TRHDE: variants seen among roughly 807,000 people sequenced by gnomAD.
TRHDE encodes thyrotropin releasing hormone degrading enzyme.
A neutral mutation model predicts 125.7 loss-of-function variants in TRHDE; 72 were observed. That is an observed-to-expected ratio of 0.57 (90% CI 0.47 to 0.70). The LOEUF (loss-of-function observed/expected upper bound fraction) is 0.70, where lower values mean the gene tolerates loss of function less well. Ranked by LOEUF, TRHDE falls within the 30% of genes least tolerant of loss-of-function variation. The pLI is 0.00. For missense variants in TRHDE, 1,110 were observed against 1,327.1 expected, an observed-to-expected ratio of 0.84 and a Z score of 2.54; for synonymous variants, 509 against 509.1, an observed-to-expected ratio of 1.00 and a Z score of 0.00.
In TRHDE at chr12:72,454,331, C is replaced by G. The variant is rs546566935; in HGVS notation, c.1316-15427C>G. On this transcript the variant is annotated intron_variant, in intron 3 of 18. Transcript: ENST00000261180. The stretch of plus-strand genomic sequence containing the variant: ...TATTTTTTGCAGGAATCTTTTTAAG[C>G]TGTCTATTTATTTTGTGAAGATTGT... 2.6e-5 allele frequency among the ~76,000 whole-genome samples: 4 copies of G among 152,062 alleles called. No individual in the cohort carries two copies. The East Asian group carries it at 5.8e-4, about 22-fold the overall frequency.
At chr12:72,380,780 T>A (rs1323688590) in intron 3 of TRHDE, among the ~76,000 whole-genome samples, 15 of 138,968 alleles carry the variant, frequency 1.1e-4, no homozygotes, top group African/African-American at 3.6e-4. Context: ...CCTTCCTTCC[T>A]TCCTTCCTTC....
At chr12:72,251,036 C>T (rs1436184397) in intron 2 of TRHDE, among the ~76,000 whole-genome samples, 2 of 151,500 alleles carry the variant, frequency 1.3e-5, no homozygotes, top group African/African-American at 4.8e-5. Flanking sequence ...TATCCATCAC[C>T]CAGTTTCTCC....
intron 2 of TRHDE, among the ~76,000 whole-genome samples, chr12:72,265,391 CAGAG>C: frequency 6.6e-6 from 1 of 151,786 alleles, no homozygotes; most frequent in South Asian, 2.1e-4. Flanking sequence ...AAAACATGTA[CAGAG>C]AGAGAAAAAA....
intron 5 of TRHDE, among the ~76,000 whole-genome samples, chr12:72,482,396 T>C (rs955180001): frequency 6.6e-6 from 1 of 151,930 alleles, no homozygotes; most frequent in Non-Finnish European, 1.5e-5. Flanking sequence ...TTGGGCATGG[T>C]AAGTTTCAGA....
chr12:72,109,612 C>T (rs889736525), intron 2 of TRHDE, among the ~76,000 whole-genome samples: 4 of 143,666 alleles, frequency 2.8e-5, no homozygotes, highest in Non-Finnish European at 6.1e-5. Context: ...AAGTTAATGT[C>T]TTTACACAAC....
chr12:72,142,544 A>T (rs904181802), intron 2 of TRHDE, among the ~76,000 whole-genome samples: 2 of 152,166 alleles, frequency 1.3e-5, no homozygotes, highest in African/African-American at 4.8e-5. Context: ...CGGGTAGAAG[A>T]GGGTGGCCCC....
At chr12:72,335,172 C>A (rs1024045637) in intron 2 of TRHDE, among the ~76,000 whole-genome samples, 5 of 152,138 alleles carry the variant, frequency 3.3e-5, no homozygotes, top group African/African-American at 1.2e-4. Flanking sequence ...GCTGAGGCAA[C>A]ATAAAATTAT....
intron 2 of TRHDE, among the ~76,000 whole-genome samples, chr12:72,339,312 T>C (rs1240488268): frequency 6.6e-6 from 1 of 152,190 alleles, no homozygotes; most frequent in East Asian, 1.9e-4. Flanking sequence ...TTTCCAATAA[T>C]ATTGACTAGT....
At chr12:72,136,479 C>T (rs1199453971) in intron 2 of TRHDE, among the ~76,000 whole-genome samples, 3 of 152,148 alleles carry the variant, frequency 2.0e-5, no homozygotes. Flanking sequence ...TCCCATTGAC[C>T]TATAAGCAGG....
intron 2 of TRHDE, among the ~76,000 whole-genome samples, chr12:72,224,146 CTATG>C (rs10647795): frequency 0.015 from 705 of 46,252 alleles, 9 homozygotes; most frequent in African/African-American, 0.046. Flanking sequence ...ATCTATTTAT[CTATG>C]TATGTATGTA....
chr12:72,092,702 G>A (rs1418003632), intron 1 of TRHDE, among the ~76,000 whole-genome samples: 1 of 152,172 alleles, frequency 6.6e-6, no homozygotes, highest in African/African-American at 2.4e-5. Flanking sequence ...CTAGGGGCAT[G>A]TGCTTTCCCA....
intron 6 of TRHDE, among the ~76,000 whole-genome samples, chr12:72,527,732 A>G (rs900712006): frequency 2.2e-4 from 34 of 152,124 alleles, no homozygotes; most frequent in African/African-American, 8.2e-4. Flanking sequence ...AAGGACTGAC[A>G]TATGCTATAT....
intron 2 of TRHDE, among the ~76,000 whole-genome samples, chr12:72,237,704 A>G (rs911880935): frequency 8.5e-5 from 13 of 152,130 alleles, no homozygotes; most frequent in African/African-American, 2.9e-4. Flanking sequence ...CATGATTGCA[A>G]GTTTCCTGAG....
At chr12:72,337,812 T>C (rs965291144) in intron 2 of TRHDE, among the ~76,000 whole-genome samples, 1 of 129,236 alleles carries the variant, frequency 7.7e-6, no homozygotes, top group Admixed American at 7.4e-5. Context: ...GCTATTATTA[T>C]TATTTTTATT....
At chr12:72,173,643 A>G (rs1449106038) in intron 2 of TRHDE, among the ~76,000 whole-genome samples, 1 of 152,206 alleles carries the variant, frequency 6.6e-6, no homozygotes, top group Non-Finnish European at 1.5e-5. Flanking sequence ...GACTTAAAAA[A>G]GGATTTTATT....
intron 5 of TRHDE, among the ~76,000 whole-genome samples, chr12:72,497,948 G>A (rs1384224271): frequency 6.7e-6 from 1 of 148,476 alleles, no homozygotes; most frequent in Non-Finnish European, 1.5e-5. Context: ...TAGTATTTAT[G>A]TCATATTTGT....
At chr12:72,486,618 CACCCT>C (rs1050246879) in intron 5 of TRHDE, among the ~76,000 whole-genome samples, 1 of 152,176 alleles carries the variant, frequency 6.6e-6, no homozygotes, top group Non-Finnish European at 1.5e-5. Flanking sequence ...AGAGCAACTT[CACCCT>C]GCCCAACTGA....
chr12:72,186,702 G>A (rs1297401345), intron 2 of TRHDE: 1 of 151,186 alleles, frequency 6.6e-6, no homozygotes, highest in Non-Finnish European at 1.5e-5. Context: ...AATGTAATTT[G>A]ACATTGCCCA....
At chr12:72,413,212 T>G (rs1254271291) in intron 3 of TRHDE, among the ~76,000 whole-genome samples, 1 of 151,980 alleles carries the variant, frequency 6.6e-6, no homozygotes, top group Non-Finnish European at 1.5e-5. Context: ...ATGGCATAAT[T>G]TTTTTAAAAA....
Sources: allele counts gnomAD v4.1 joint callset (sites outside exome capture counted in the v4.1 genomes callset), GRCh38; gene constraint gnomAD v4.1.1; transcripts MANE v1.5; gene names NCBI Gene and HGNC (gene_info 2026-07-23, HGNC 2026-07-21).